The following CDH4 variants were observed in gnomAD, a reference collection of about 807,000 sequenced individuals.
CDH4 encodes cadherin 4, also known as cadherin-4.
A neutral mutation model predicts 86.0 loss-of-function variants in CDH4; 33 were observed. That is an observed-to-expected ratio of 0.38 (90% CI 0.29 to 0.51). CDH4 has a LOEUF of 0.51. Ranked by LOEUF, CDH4 falls within the 20% of genes least tolerant of loss-of-function variation. The pLI is 0.86. For missense variants in CDH4, 1,114 were observed against 1,307.4 expected (o/e 0.85, Z 2.28); for synonymous variants, 555 against 549.4 (o/e 1.01, Z -0.14).
chr20:61,806,145 C>T (rs1379858423), intron 4 of CDH4, among the ~76,000 whole-genome samples: 1 of 152,258 alleles, frequency 6.6e-6, no homozygotes, highest in African/African-American at 2.4e-5. Context: ...TTCTAGGCAA[C>T]AGCCTATTCT....
At chr20:61,758,332 G>A (rs950772026) in intron 3 of CDH4, among the ~76,000 whole-genome samples, 10 of 152,312 alleles carry the variant, frequency 6.6e-5, no homozygotes, top group South Asian at 2.1e-4. Flanking sequence ...CAGTCACAAC[G>A]TAATTACTCA....
At chr20:61,884,213 G>GC (rs1984431085) in intron 7 of CDH4, among the ~76,000 whole-genome samples, 1 of 152,206 alleles carries the variant, frequency 6.6e-6, no homozygotes, top group African/African-American at 2.4e-5. Context: ...CACGGCCAGA[G>GC]CTAGGGACAC....
At position 61,532,347 on chromosome 20, in the gene CDH4, T is replaced by C. The variant is rs116482819; in HGVS notation, c.170-211216T>C. Among the ~76,000 whole-genome samples, 831 of 152,298 alleles carry C rather than the reference T, an allele frequency of 5.5e-3. 8 individuals carry two copies. The highest frequency in any genetic ancestry group is 0.019 in the African/African-American group (784 of 41,556). The stretch of plus-strand genomic sequence containing the variant: ...GTCTTCACACATGAAGGAGGTCCCA[T>C]GTGTGGGACCCTGGCACCAGTTCAA... On this transcript the variant is annotated intron_variant, in intron 2 of 15. Coordinates refer to ENST00000614565, the MANE Select transcript of CDH4 (RefSeq NM_001794.5).
intron 7 of CDH4, among the ~76,000 whole-genome samples, chr20:61,893,291 GGGAT>G (rs1984924121): frequency 1.5e-4 from 19 of 129,308 alleles, no homozygotes; most frequent in Admixed American, 3.1e-4. Context: ...GGTAAATAGA[GGGAT>G]AGATGGATGG....
At chr20:61,297,769 C>T (rs996175696) in intron 2 of CDH4, among the ~76,000 whole-genome samples, 1 of 152,270 alleles carries the variant, frequency 6.6e-6, no homozygotes, top group African/African-American at 2.4e-5. Flanking sequence ...GTGTCAGCCC[C>T]TTTACCGGGG....
chr20:61,584,462 C>G (rs1891775), intron 2 of CDH4, among the ~76,000 whole-genome samples: 5,461 of 152,180 alleles, frequency 0.036, 115 homozygotes, highest in Middle Eastern at 0.051. Flanking sequence ...ACAGTTCTGC[C>G]TGTTTAACAA....
chr20:61,646,166 C>T (rs1166733534), intron 2 of CDH4, among the ~76,000 whole-genome samples: 1 of 152,050 alleles, frequency 6.6e-6, no homozygotes, highest in Non-Finnish European at 1.5e-5. Context: ...GTGTGATTCC[C>T]GCGGTGGGAA....
Position 61,296,168 on chromosome 20 carries a change from C to T in CDH4, c.169+41231C>T, listed in dbSNP as rs116335714. On this transcript the variant is annotated intron_variant, in intron 2 of 15. Transcript: ENST00000614565. ...GGATGTGCTGGAACTTTAGAGTTGT[C>T]GAAATAAGTATGAGTGTGTGCGTGT... is the stretch of plus-strand genomic sequence containing the variant. Among the ~76,000 whole-genome samples the T allele has an allele frequency of 8.0e-3, 1,210 of 151,516 alleles. 19 individuals carry two copies. Among genetic ancestry groups the T allele is most frequent in the African/African-American group, 0.026 (1,091 of 41,178 alleles).
intron 2 of CDH4, among the ~76,000 whole-genome samples, chr20:61,598,973 C>T (rs533809969): frequency 6.6e-6 from 1 of 152,218 alleles, no homozygotes; most frequent in Non-Finnish European, 1.5e-5. Flanking sequence ...TGGGCTAACA[C>T]GAGTCCCTCA....
chr20:61,259,436 A>T (rs1225526258), intron 2 of CDH4, among the ~76,000 whole-genome samples: 3 of 152,220 alleles, frequency 2.0e-5, no homozygotes, highest in Non-Finnish European at 2.9e-5. Flanking sequence ...CTCCCTGCAT[A>T]GCCGATGTCC....
intron 2 of CDH4, among the ~76,000 whole-genome samples, chr20:61,413,466 G>T (rs1023678847): frequency 2.6e-5 from 4 of 152,156 alleles, no homozygotes; most frequent in African/African-American, 9.7e-5. Flanking sequence ...ACCTGAGTCT[G>T]TAACAAGCCC....
intron 3 of CDH4, among the ~76,000 whole-genome samples, chr20:61,762,697 C>T (rs141445655): frequency 1.6e-4 from 25 of 152,350 alleles, no homozygotes; most frequent in African/African-American, 6.0e-4. Flanking sequence ...TCTGCTTATA[C>T]AAATCGGACC....
At chr20:61,398,116 C>G (rs1477734159) in intron 2 of CDH4, among the ~76,000 whole-genome samples, 3 of 152,118 alleles carry the variant, frequency 2.0e-5, no homozygotes, top group African/African-American at 7.2e-5. Flanking sequence ...GACTTGTATT[C>G]TCACGTTAGA....
chr20:61,278,993 G>T (rs1394751403), intron 2 of CDH4, among the ~76,000 whole-genome samples: 1 of 152,222 alleles, frequency 6.6e-6, no homozygotes, highest in African/African-American at 2.4e-5. Context: ...TCTGCCAGGG[G>T]AGCTGGGACC....
intron 4 of CDH4, among the ~76,000 whole-genome samples, chr20:61,793,630 A>C (rs754677148): frequency 2.0e-5 from 3 of 151,950 alleles, no homozygotes; most frequent in Non-Finnish European, 4.4e-5. Context: ...TCACGAGGTC[A>C]GGAGTTCAAG....
intron 9 of CDH4, among the ~76,000 whole-genome samples, chr20:61,920,544 G>A (rs548287669): frequency 5.9e-5 from 9 of 151,580 alleles, no homozygotes; most frequent in Admixed American, 3.3e-4. Context: ...TGATTGCATG[G>A]AAGCACCGTG....
chr20:61,894,895 G>C lies in CDH4; in HGVS notation c.1051-15G>C, dbSNP rs201949663. 142 of 1,607,204 alleles carry C rather than the reference G, an allele frequency of 8.8e-5. 3 individuals carry two copies. In the East Asian group the frequency reaches 2.8e-3, roughly 32 times the overall value. ...CTGATTTTCTGTTCTTTCTCAACTG[G>C]TGTCTCCCTTCCAGAAAGTTCAGCA... On this transcript the variant is annotated splice_polypyrimidine_tract_variant and intron_variant, in intron 7 of 15. Coordinates refer to ENST00000614565, the MANE Select transcript of CDH4 (RefSeq NM_001794.5).
chr20:61,889,596 GAT>G, intron 7 of CDH4, among the ~76,000 whole-genome samples: 1 of 6,804 alleles, frequency 1.5e-4, no homozygotes, highest in African/African-American at 3.6e-4. Flanking sequence ...TTAGTGGATG[GAT>G]GGATGATGGG....
chr20:61,794,399 T>A (rs2146021373), intron 4 of CDH4, among the ~76,000 whole-genome samples: 1 of 152,304 alleles, frequency 6.6e-6, no homozygotes, highest in South Asian at 2.1e-4. Context: ...GTTCCCCCAC[T>A]TCCGCCACTG....
Sources: gnomAD v4.1 joint callset for allele counts (sites outside exome capture counted in the v4.1 genomes callset) on GRCh38, gnomAD v4.1.1 for gene constraint, MANE v1.5 for transcripts, NCBI Gene and HGNC (gene_info 2026-07-23, HGNC 2026-07-21) for gene names.